Variants in DAB1 observed in about 807,000 individuals in gnomAD.
DAB1 encodes the protein DAB adaptor protein 1.
In DAB1, 15 loss-of-function variants were observed where a neutral mutation model predicts 64.6. The ratio of observed to expected loss-of-function variants is 0.23; its 90% CI spans 0.16 to 0.36. The LOEUF is 0.36. Among genes scored for constraint, DAB1 ranks in the 10% least tolerant of loss-of-function variants. The pLI is 1.00. For synonymous variants in DAB1, 235 were observed against 251.9 expected, an observed-to-expected ratio of 0.93 and a Z score of 0.64; for missense variants, 596 against 706.7, an observed-to-expected ratio of 0.84 and a Z score of 1.78.
intron 9 of DAB1, among the ~76,000 whole-genome samples, chr1:57,033,909 A>C (rs928733418): frequency 1.3e-5 from 2 of 152,166 alleles, no homozygotes; most frequent in African/African-American, 4.8e-5. Context: ...AAAAGAATAG[A>C]ATGTCATCTT....
chr1:57,939,714 C>T (rs966973403), intron 5 of DAB1, among the ~76,000 whole-genome samples: 1 of 152,166 alleles, frequency 6.6e-6, no homozygotes, highest in Non-Finnish European at 1.5e-5. Context: ...CAAATTTGTG[C>T]CATTCTCCAC....
intron 5 of DAB1, among the ~76,000 whole-genome samples, chr1:57,922,597 C>T (rs986259051): frequency 1.3e-5 from 2 of 151,846 alleles, no homozygotes; most frequent in East Asian, 3.9e-4. Context: ...GGAAAATGCA[C>T]AAATGATAAC....
downstream of DAB1, among the ~76,000 whole-genome samples, chr1:57,822,897 C>A (rs1652182571): frequency 6.6e-6 from 1 of 151,512 alleles, no homozygotes; most frequent in African/African-American, 2.4e-5. Context: ...AATAGGTAGG[C>A]TTTGAGTGTA....
At chr1:57,934,216 G>A (rs1448453719) in intron 5 of DAB1, among the ~76,000 whole-genome samples, 1 of 152,022 alleles carries the variant, frequency 6.6e-6, no homozygotes. Flanking sequence ...GAGCCACTGC[G>A]CCCGGCCCTA....
chr1:57,077,365 G>T (rs1458690418), intron 4 of DAB1, among the ~76,000 whole-genome samples: 2 of 152,124 alleles, frequency 1.3e-5, no homozygotes, highest in Non-Finnish European at 2.9e-5. Flanking sequence ...TGAACAGTAA[G>T]TGTTACATAA....
At chr1:58,283,156 T>C (rs1661604134) in intron 4 of DAB1, among the ~76,000 whole-genome samples, 1 of 150,326 alleles carries the variant, frequency 6.7e-6, no homozygotes, top group South Asian at 2.1e-4. Context: ...CCCAGCGCTC[T>C]CCTCTCTTGT....
intron 7 of DAB1, among the ~76,000 whole-genome samples, chr1:57,523,404 T>C (rs974259795): frequency 6.6e-6 from 1 of 152,210 alleles, no homozygotes; most frequent in Non-Finnish European, 1.5e-5. Context: ...CCAACCCCAC[T>C]TGCATAGTTT....
At chr1:58,164,636 C>T (rs1357368438) in intron 4 of DAB1, among the ~76,000 whole-genome samples, 4 of 152,184 alleles carry the variant, frequency 2.6e-5, no homozygotes, top group Admixed American at 6.5e-5. Context: ...CTCATGCACA[C>T]ATGATAACAC....
chr1:57,250,202 T>C (rs1047031940), intron 2 of DAB1, among the ~76,000 whole-genome samples: 1 of 152,170 alleles, frequency 6.6e-6, no homozygotes, highest in East Asian at 1.9e-4. Context: ...TTAATCAGAT[T>C]CCTTGCCATG....
At chr1:58,514,058 C>A (rs2100434483) in intron 2 of DAB1, among the ~76,000 whole-genome samples, 1 of 152,262 alleles carries the variant, frequency 6.6e-6, no homozygotes, top group South Asian at 2.1e-4. Flanking sequence ...CATTCCAGGA[C>A]TCAGAACATA....
chr1:58,341,082 C>G (rs1643926050), intron 4 of DAB1, among the ~76,000 whole-genome samples: 2 of 151,874 alleles, frequency 1.3e-5, no homozygotes, highest in African/African-American at 4.8e-5. Context: ...GTGTATTATT[C>G]ACATAAGCAT....
chr1:58,352,631 AAT>A (rs1345110107), intron 3 of DAB1, among the ~76,000 whole-genome samples: 4 of 152,172 alleles, frequency 2.6e-5, no homozygotes, highest in Admixed American at 2.6e-4. Context: ...AAACACAATC[AAT>A]ACATTACACA....
At chr1:57,426,726 A>C (rs927964354), upstream of DAB1, among the ~76,000 whole-genome samples, 3 of 152,186 alleles carry the variant, frequency 2.0e-5, no homozygotes, top group Admixed American at 2.0e-4. Context: ...TACTGGATAG[A>C]GTATAGAGTT....
intron 7 of DAB1, among the ~76,000 whole-genome samples, chr1:57,502,670 A>C (rs1474548526): frequency 6.6e-6 from 1 of 152,216 alleles, no homozygotes; most frequent in Non-Finnish European, 1.5e-5. Flanking sequence ...GTCATTGATC[A>C]AGGACTATCT....
At chr1:57,784,348 C>T (rs191013581) in intron 6 of DAB1, among the ~76,000 whole-genome samples, 174 of 152,176 alleles carry the variant, frequency 1.1e-3, no homozygotes, top group African/African-American at 4.1e-3. Flanking sequence ...GACTCGAGAT[C>T]GCGCCACTGC....
In DAB1 at chr1:58,079,515, CTTTTTTTTTTTTT is replaced by C. The variant is rs66960756; in HGVS notation, n.387+70983_387+70995del. ...ATTGTTAAATGAATGAGCATACCAT[CTTTTTTTTTTTTT>C]TTTTTTTTTTTTGAGATGGAGTCTC... On this transcript the variant is annotated intron_variant and non_coding_transcript_variant, in intron 5 of 20. Coordinates refer to the DAB1 transcript ENST00000485760. Among the ~76,000 whole-genome samples, 7 of 67,808 alleles carry C rather than the reference CTTTTTTTTTTTTT, an allele frequency of 1.0e-4. No individual in the cohort carries two copies. The Admixed American group carries it at 1.1e-3, about 11-fold the overall frequency. 44.5% of individuals were successfully genotyped at this position (67,808 alleles called of 152,430 possible).
chr1:57,796,050 G>A (rs1650847151), intron 6 of DAB1, among the ~76,000 whole-genome samples: 1 of 151,912 alleles, frequency 6.6e-6, no homozygotes, highest in African/African-American at 2.4e-5. Context: ...ATTCATGTGT[G>A]CAGATAAAAT....
chr1:57,088,981 ACCC>A (rs760293883), intron 4 of DAB1, among the ~76,000 whole-genome samples: 34 of 152,286 alleles, frequency 2.2e-4, no homozygotes, highest in South Asian at 4.1e-4. Flanking sequence ...AAGGGCACAG[ACCC>A]TGGAGCCAGA....
At chr1:57,135,054 T>C (rs1048939997) in intron 4 of DAB1, among the ~76,000 whole-genome samples, 2 of 152,130 alleles carry the variant, frequency 1.3e-5, no homozygotes, top group Non-Finnish European at 2.9e-5. Flanking sequence ...ACATGGGAGG[T>C]ACTCAATAAT....
Sources: allele counts gnomAD v4.1 joint callset (sites outside exome capture counted in the v4.1 genomes callset), GRCh38; gene constraint gnomAD v4.1.1; transcripts MANE v1.5; gene names NCBI Gene and HGNC (gene_info 2026-07-23, HGNC 2026-07-21).